The following PALM2AKAP2 variants were observed in gnomAD, a reference collection of about 807,000 sequenced individuals.
The protein encoded by PALM2AKAP2 is PALM2 and AKAP2 fusion.
Under a neutral mutation model 71.5 loss-of-function variants are expected in PALM2AKAP2, and 37 were observed. The observed-to-expected ratio is 0.52, with a 90% CI of 0.40 to 0.68. The LOEUF is 0.68. Among genes scored for constraint, PALM2AKAP2 ranks in the 30% least tolerant of loss-of-function variants. The pLI is 0.00. For synonymous variants in PALM2AKAP2, 468 were observed against 478.8 expected (o/e 0.98, Z 0.29); for missense variants, 1,224 against 1,191.8 (o/e 1.03, Z -0.40).
chr9:109,908,135 C>G (rs746108111), intron 3 of PALM2AKAP2, among the ~76,000 whole-genome samples: 28 of 152,276 alleles, frequency 1.8e-4, no homozygotes, highest in Non-Finnish European at 3.4e-4. Context: ...GATGCCATAG[C>G]AATACATGCT....
At chr9:109,821,366 A>T (rs901914941) in intron 1 of PALM2AKAP2, among the ~76,000 whole-genome samples, 5 of 152,186 alleles carry the variant, frequency 3.3e-5, no homozygotes, top group Admixed American at 1.3e-4. Flanking sequence ...AAATAATAAT[A>T]ATAATTGTCT....
intron 6 of PALM2AKAP2, among the ~76,000 whole-genome samples, chr9:109,979,026 G>A (rs1832220380): frequency 6.6e-6 from 1 of 150,696 alleles, no homozygotes; most frequent in Non-Finnish European, 1.5e-5. Context: ...GTGTTGCTCT[G>A]TCACCTGGGC....
At chr9:110,036,087 C>T (rs1219051072) in intron 7 of PALM2AKAP2, among the ~76,000 whole-genome samples, 1 of 151,936 alleles carries the variant, frequency 6.6e-6, no homozygotes, top group Non-Finnish European at 1.5e-5. Flanking sequence ...GCACCCACCA[C>T]CACGCCCGGC....
chr9:110,074,879 T>G (rs1285980819), intron 1 of PALM2AKAP2, among the ~76,000 whole-genome samples: 2 of 152,054 alleles, frequency 1.3e-5, no homozygotes, highest in Non-Finnish European at 2.9e-5. Flanking sequence ...GGCGTGTGCC[T>G]GTAATCCCAG....
At chr9:109,801,053 G>C (rs1197869782) in intron 1 of PALM2AKAP2, among the ~76,000 whole-genome samples, 2 of 152,318 alleles carry the variant, frequency 1.3e-5, no homozygotes, top group Admixed American at 6.5e-5. Context: ...GTTGGGGTTG[G>C]GGGATGTGGT....
chr9:109,724,763 T>C (rs1472342198), intron 1 of PALM2AKAP2, among the ~76,000 whole-genome samples: 1 of 152,198 alleles, frequency 6.6e-6, no homozygotes, highest in Non-Finnish European at 1.5e-5. Flanking sequence ...GTTTCAGAGC[T>C]GGTGAGTGAC....
intron 3 of PALM2AKAP2, 33 bp downstream of exon 3, chr9:109,880,714 A>G (rs1829828215): frequency 1.2e-6 from 2 of 1,610,772 alleles, no homozygotes; most frequent in Non-Finnish European, 1.7e-6. Flanking sequence ...AACCCATGCT[A>G]CAGTTTTTCA....
At chr9:110,064,603 A>G (rs968266094) in intron 1 of PALM2AKAP2, among the ~76,000 whole-genome samples, 2 of 152,178 alleles carry the variant, frequency 1.3e-5, no homozygotes, top group African/African-American at 2.4e-5. Context: ...GAAGAGAAGG[A>G]TATGGGGTTG....
At chr9:109,916,436 C>T (rs140968807) in intron 3 of PALM2AKAP2, among the ~76,000 whole-genome samples, 5 of 152,200 alleles carry the variant, frequency 3.3e-5, no homozygotes, top group East Asian at 1.9e-4. Context: ...GGAGTGGGGA[C>T]GGAAACGGCG....
At chr9:109,899,769 A>G (rs1305341218) in intron 3 of PALM2AKAP2, among the ~76,000 whole-genome samples, 1 of 152,126 alleles carries the variant, frequency 6.6e-6, no homozygotes, top group Non-Finnish European at 1.5e-5. Flanking sequence ...CCCTTCTCCA[A>G]GGAACGTTCT....
chr9:110,143,533 G>C (rs931520119), intron 2 of PALM2AKAP2, among the ~76,000 whole-genome samples: 1 of 152,114 alleles, frequency 6.6e-6, no homozygotes, highest in Non-Finnish European at 1.5e-5. Flanking sequence ...GAAAGAATTA[G>C]GGGGTGGGAT....
rs111415701 is a variant in PALM2AKAP2, at chr9:109,715,938, G to A, written c.6-64550G>A. On this transcript the variant is annotated intron_variant, in intron 1 of 6. Coordinates refer to the PALM2AKAP2 transcript ENST00000374531. The stretch of plus-strand genomic sequence containing the variant: ...CCCGTGTGATTTTGAAGTGTTTTTC[G>A]TATGCCATTAGACCTGGTCTTTTCT... Among the ~76,000 whole-genome samples the A allele has an allele frequency of 3.7e-3, 568 of 151,950 alleles. 1 individual carries two copies. The highest frequency in any genetic ancestry group is 0.013 in the African/African-American group (523 of 41,396).
At chr9:109,849,594 G>A (rs1294320654) in intron 1 of PALM2AKAP2, among the ~76,000 whole-genome samples, 1 of 151,808 alleles carries the variant, frequency 6.6e-6, no homozygotes, top group Non-Finnish European at 1.5e-5. Context: ...CTAAAAAAAA[G>A]AAAATACAAA....
At chr9:110,162,228 G>T (rs1397232889) in intron 3 of PALM2AKAP2, 96 bp downstream of exon 10, 3 of 1,537,522 alleles carry the variant, frequency 2.0e-6, no homozygotes, top group Middle Eastern at 1.7e-4. Flanking sequence ...AACGAAAATG[G>T]CAAGAAAAAT....
chr9:109,825,163 G>C (rs1416906205), intron 1 of PALM2AKAP2, among the ~76,000 whole-genome samples: 1 of 152,168 alleles, frequency 6.6e-6, no homozygotes, highest in Non-Finnish European at 1.5e-5. Flanking sequence ...GCCATATGTA[G>C]AAAGCTGAAA....
At chr9:109,807,793 C>A (rs1331640075) in intron 1 of PALM2AKAP2, among the ~76,000 whole-genome samples, 1 of 152,134 alleles carries the variant, frequency 6.6e-6, no homozygotes, top group Non-Finnish European at 1.5e-5. Context: ...TTCCCATAAT[C>A]CCCACATATT....
chr9:109,959,500 C>A (rs1392375106), intron 6 of PALM2AKAP2, among the ~76,000 whole-genome samples: 2 of 151,920 alleles, frequency 1.3e-5, no homozygotes, highest in East Asian at 3.9e-4. Context: ...AAAAAACTAG[C>A]CAGGCATGGT....
intron 1 of PALM2AKAP2, among the ~76,000 whole-genome samples, chr9:109,737,365 T>C (rs1267403280): frequency 1.3e-5 from 2 of 152,208 alleles, no homozygotes; most frequent in East Asian, 1.9e-4. Context: ...TGTGCAGTCA[T>C]GGGAGGTGAC....
At chr9:109,792,335 C>T (rs1163070837) in intron 1 of PALM2AKAP2, among the ~76,000 whole-genome samples, 1 of 152,198 alleles carries the variant, frequency 6.6e-6, no homozygotes, top group African/African-American at 2.4e-5. Flanking sequence ...CTATGTTGCT[C>T]AGGTTGGTCC....
Sources: gnomAD v4.1 joint callset for allele counts (sites outside exome capture counted in the v4.1 genomes callset) on GRCh38, gnomAD v4.1.1 for gene constraint, MANE v1.5 for transcripts, NCBI Gene and HGNC (gene_info 2026-07-23, HGNC 2026-07-21) for gene names.